The following TNFRSF8 variants were observed in gnomAD, a reference collection of about 807,000 sequenced individuals.
TNFRSF8 encodes the protein tumor necrosis factor receptor superfamily member 8.
Under a neutral mutation model 70.8 loss-of-function variants are expected in TNFRSF8, and 26 were observed. The ratio of observed to expected loss-of-function variants is 0.37; its 90% CI spans 0.27 to 0.51. TNFRSF8 has a LOEUF of 0.51. TNFRSF8 is among the 20% of genes least tolerant of loss of function. The pLI, the probability that TNFRSF8 is intolerant of heterozygous loss-of-function variation, is 0.94. For missense variants in TNFRSF8, 720 were observed against 807.9 expected (o/e 0.89, Z 1.32); for synonymous variants, 356 against 339.2 (o/e 1.05, Z -0.54).
chr1:12,067,152 T>G (rs1640756242), intron 1 of TNFRSF8, among the ~76,000 whole-genome samples: 1 of 152,176 alleles, frequency 6.6e-6, no homozygotes, highest in African/African-American at 2.4e-5. Flanking sequence ...AGAGAAAAAT[T>G]TATTCCCCCA....
intron 8 of TNFRSF8, among the ~76,000 whole-genome samples, chr1:12,117,381 C>T (rs1002634549): frequency 6.6e-6 from 1 of 152,186 alleles, no homozygotes; most frequent in Admixed American, 6.5e-5. Flanking sequence ...CCGTGCCTGG[C>T]CAACAATTGT....
intron 2 of TNFRSF8, among the ~76,000 whole-genome samples, chr1:12,095,648 C>T (rs1641320196): frequency 1.3e-5 from 2 of 152,176 alleles, no homozygotes; most frequent in African/African-American, 4.8e-5. Context: ...AGTTGGATTC[C>T]TCTGCATTCC....
At chr1:12,114,727 TAGAC>T (rs1398967279) in intron 7 of TNFRSF8, among the ~76,000 whole-genome samples, 12 of 78,684 alleles carry the variant, frequency 1.5e-4, no homozygotes, top group Middle Eastern at 0.012. Context: ...TTTTTTTAAA[TAGAC>T]AGAGTCTTGT....
At chr1:12,130,260 G>A (rs1265018256) in intron 12 of TNFRSF8, among the ~76,000 whole-genome samples, 1 of 152,132 alleles carries the variant, frequency 6.6e-6, no homozygotes, top group East Asian at 1.9e-4. Flanking sequence ...TGGATTCATG[G>A]GGCCCTGTTC....
intron 1 of TNFRSF8, among the ~76,000 whole-genome samples, chr1:12,074,998 T>C (rs867845681): frequency 2.6e-4 from 39 of 152,144 alleles, no homozygotes; most frequent in African/African-American, 9.2e-4. Context: ...GGCTCATGCC[T>C]GTAATCCCAG....
chr1:12,068,235 A>G lies in TNFRSF8; in HGVS notation c.63+4574A>G, dbSNP rs1206493984. Among the ~76,000 whole-genome samples, 8 of 152,188 alleles carry G rather than the reference A, an allele frequency of 5.3e-5. No homozygotes were observed. In the East Asian group the frequency reaches 1.5e-3, roughly 29 times the overall value. On this transcript the variant is annotated intron_variant, in intron 1 of 14. Transcript: ENST00000263932. ...TGTGTCTGGCCCGGGGGAGTCCTGGAGGCTTGAGGGTCCTTGGCAATGACA... is the reference window on the plus strand; with the variant it reads ...TGTGTCTGGCCCGGGGGAGTCCTGGGGGCTTGAGGGTCCTTGGCAATGACA...
Position 12,112,820 on chromosome 1 carries a change from A to C in TNFRSF8, c.793+806A>C, listed in dbSNP as rs554163017. ...GCAGCACCCCGAGGGGCATGTGGGC[A>C]GGGGGTGTTGCTCAGGCCACAGGCT... On this transcript the variant is annotated intron_variant, in intron 7 of 14. Coordinates refer to ENST00000263932, the MANE Select transcript of TNFRSF8 (RefSeq NM_001243.5). This position sits in a 1 kb window ranked among gnomAD's most constrained non-coding sequence, Gnocchi z 5.3. Among the ~76,000 whole-genome samples, 1 of 152,268 alleles carries C rather than the reference A, an allele frequency of 6.6e-6. No homozygotes were observed. Among genetic ancestry groups the C allele is most frequent in the South Asian group, 2.1e-4 (1 of 4,824 alleles).
chr1:12,129,742 T>C (rs546719319), intron 12 of TNFRSF8, among the ~76,000 whole-genome samples: 1 of 152,314 alleles, frequency 6.6e-6, no homozygotes, highest in Non-Finnish European at 1.5e-5. Flanking sequence ...GATGTCTCCC[T>C]TTCCTGGTGC....
Position 12,104,463 on chromosome 1 carries a change from C to T in TNFRSF8, c.353C>T (p.Ala118Val). 1 of 1,614,194 alleles carries T rather than the reference C, an allele frequency of 6.2e-7. No individual in the cohort carries two copies. Among genetic ancestry groups the T allele is most frequent in the Non-Finnish European group, 8.5e-7 (1 of 1,180,042 alleles). Residue 118 changes from alanine to valine, a missense_variant, in exon 4 of 15, where the codon GCC becomes GTC. By Grantham distance (64) the Ala-to-Val change is moderately conservative (BLOSUM62 0). Transcript: ENST00000263932. The stretch of plus-strand genomic sequence containing the variant: ...CCCGGCATGTTCTGTTCCACGTCTG[C>T]CGTCAACTCCTGTGCCCGCTGCTTC... The part of the protein sequence containing the change: ...CRPGMFCSTS[A>V]VNSCARCFFH...
intron 8 of TNFRSF8, among the ~76,000 whole-genome samples, chr1:12,120,220 A>C (rs1394071081): frequency 1.3e-5 from 2 of 152,218 alleles, no homozygotes; most frequent in Non-Finnish European, 2.9e-5. Context: ...GAAAAACAAC[A>C]GGAAGCCATG....
At chr1:12,070,161 TGGG>T (rs61206685) in intron 1 of TNFRSF8, among the ~76,000 whole-genome samples, 74,478 of 138,574 alleles carry the variant, frequency 0.54, 18,685 homozygotes, top group Admixed American at 0.65. Flanking sequence ...GCTGGGGGAT[TGGG>T]GGGAGCAGGC....
rs1479401960 is a variant in TNFRSF8 at position 12,132,806 on chromosome 1, C to G, written c.1310-2782C>G. 2.1e-5 allele frequency among the ~76,000 whole-genome samples: 3 copies of G among 145,760 alleles called. No homozygotes were observed. The Admixed American group carries it at 2.1e-4, about 10-fold the overall frequency. On this transcript the variant is annotated intron_variant, in intron 12 of 14. Coordinates refer to ENST00000263932, the MANE Select transcript of TNFRSF8 (RefSeq NM_001243.5). ...TGAGCTGAGAACGTGCCACTACACT[C>G]CAGCCTCGGTGACAGAGCGAGACTC... is the stretch of plus-strand genomic sequence containing the variant.
At position 12,079,952 on chromosome 1, in the gene TNFRSF8, T is replaced by A. The variant is rs529805127; in HGVS notation, c.64-4512T>A. ...CTACTTTATTTTTTAATTCTCTATT[T>A]TTTTTTTTTTTTTTGAGGCAGGGTC... On this transcript the variant is annotated intron_variant, in intron 1 of 14. Coordinates refer to ENST00000263932, the MANE Select transcript of TNFRSF8 (RefSeq NM_001243.5). 5.9e-3 allele frequency among the ~76,000 whole-genome samples: 802 copies of A among 135,472 alleles called. 5 individuals carry two copies. The highest frequency in any genetic ancestry group is 0.022 in the African/African-American group (754 of 33,758). 88.9% of individuals were successfully genotyped at this position (135,472 alleles called of 152,430 possible).
rs1265409027 is a variant in TNFRSF8 at position 12,110,451 on chromosome 1, C to G, written c.676+247C>G. 6.6e-6 allele frequency among the ~76,000 whole-genome samples: 1 copy of G among 152,176 alleles called. No homozygotes were observed. The highest frequency in any genetic ancestry group is 1.5e-5 in the Non-Finnish European group (1 of 68,034). On this transcript the variant is annotated intron_variant, in intron 6 of 14. Coordinates refer to ENST00000263932, the MANE Select transcript of TNFRSF8 (RefSeq NM_001243.5). The surrounding 1 kb of genome is among the most constrained non-coding windows in gnomAD (Gnocchi z 4.0). ...TGCCGGACACCCGTGCCCCATCTCTCCCTCTATTTCCCTCTACGTTGGTTT... is the reference window on the plus strand; with the variant it reads ...TGCCGGACACCCGTGCCCCATCTCTGCCTCTATTTCCCTCTACGTTGGTTT...
At chr1:12,127,663 C>A (rs11569923) in intron 12 of TNFRSF8, among the ~76,000 whole-genome samples, 2 of 152,346 alleles carry the variant, frequency 1.3e-5, no homozygotes, top group South Asian at 4.1e-4. Context: ...GCACTGTGGT[C>A]CCTGTGCAAG....
chr1:12,068,824 T>C (rs1024129330), intron 1 of TNFRSF8, among the ~76,000 whole-genome samples: 2 of 152,144 alleles, frequency 1.3e-5, no homozygotes, highest in Non-Finnish European at 2.9e-5. Context: ...TGGGTTAGCT[T>C]TGGCATTTAG....
chr1:12,100,549 T>G (rs914090116), intron 3 of TNFRSF8, among the ~76,000 whole-genome samples: 3 of 152,100 alleles, frequency 2.0e-5, no homozygotes, highest in African/African-American at 7.2e-5. Context: ...TTTAAAATTT[T>G]ATTATTTTAT....
chr1:12,072,543 G>GGTC (rs1206788167), intron 1 of TNFRSF8, among the ~76,000 whole-genome samples: 6 of 152,164 alleles, frequency 3.9e-5, no homozygotes, highest in Non-Finnish European at 5.9e-5. Flanking sequence ...CAGCAGAAGG[G>GGTC]GTCAGAGGTT....
chr1:12,142,551 C>T lies in TNFRSF8; in HGVS notation c.*20C>T. The stretch of plus-strand genomic sequence containing the variant: ...AAGTGAGGCCTGGGCTGGGCTGGGG[C>T]TAGGAGGGCAGCAGGGTGGCCTCTG... On this transcript the variant is annotated 3_prime_UTR_variant, in exon 15 of 15. Coordinates refer to ENST00000263932, the MANE Select transcript of TNFRSF8 (RefSeq NM_001243.5). The surrounding 1 kb of genome is among the most constrained non-coding windows in gnomAD (Gnocchi z 5.0). 1 of 1,553,504 alleles carries T rather than the reference C, an allele frequency of 6.4e-7. No individual in the cohort carries two copies.
Sources: allele counts gnomAD v4.1 joint callset (sites outside exome capture counted in the v4.1 genomes callset), GRCh38; gene constraint gnomAD v4.1.1; non-coding constraint Gnocchi (gnomAD v3.1); transcripts MANE v1.5; gene names NCBI Gene and HGNC (gene_info 2026-07-23, HGNC 2026-07-21).